The following GPR149 variants were observed in gnomAD, a reference collection of about 807,000 sequenced individuals.
GPR149 encodes the protein G protein-coupled receptor 149.
A neutral mutation model predicts 50.2 loss-of-function variants in GPR149; 50 were observed. The ratio of observed to expected loss-of-function variants is 1.00; its 90% CI spans 0.79 to 1.26. The LOEUF (loss-of-function observed/expected upper bound fraction) is 1.26. Among genes scored for constraint, GPR149 ranks in the 50% most tolerant of loss-of-function variants. GPR149 has a pLI of 0.00. For synonymous variants in GPR149, 405 were observed against 358.2 expected, an observed-to-expected ratio of 1.13 and a Z score of -1.48; for missense variants, 983 against 895.4, an observed-to-expected ratio of 1.10 and a Z score of -1.25.
At chr3:154,420,766 G>T (rs1018520957) in intron 3 of GPR149, among the ~76,000 whole-genome samples, 3 of 151,778 alleles carry the variant, frequency 2.0e-5, no homozygotes, top group Non-Finnish European at 2.9e-5. Context: ...ATTTATGCAG[G>T]TTACTTGAGG....
At chr3:154,357,683 C>T (rs1397521056) in intron 3 of GPR149, among the ~76,000 whole-genome samples, 1 of 152,198 alleles carries the variant, frequency 6.6e-6, no homozygotes, top group Non-Finnish European at 1.5e-5. Flanking sequence ...CACTTTTACA[C>T]TGTTGGTGGG....
At chr3:154,381,953 C>T (rs80182105) in intron 3 of GPR149, among the ~76,000 whole-genome samples, 4,271 of 152,230 alleles carry the variant, frequency 0.028, 185 homozygotes, top group African/African-American at 0.097. Flanking sequence ...TAAAAATGAT[C>T]CACTTTCTTG....
At chr3:154,347,490 G>A (rs1051866432) in intron 3 of GPR149, among the ~76,000 whole-genome samples, 2 of 152,132 alleles carry the variant, frequency 1.3e-5, no homozygotes, top group Admixed American at 6.5e-5. Context: ...ACCTCACACC[G>A]GGTTCCTCCC....
chr3:154,395,154 G>C (rs1053652568), intron 3 of GPR149, among the ~76,000 whole-genome samples: 3 of 151,906 alleles, frequency 2.0e-5, no homozygotes, highest in Non-Finnish European at 4.4e-5. Flanking sequence ...TAAAAAACCA[G>C]AACAGATATG....
intron 3 of GPR149, among the ~76,000 whole-genome samples, chr3:154,412,841 C>T (rs956480807): frequency 6.6e-6 from 1 of 152,014 alleles, no homozygotes; most frequent in African/African-American, 2.4e-5. Flanking sequence ...GCCCACATAG[C>T]CAAAGCAAGA....
intron 3 of GPR149, among the ~76,000 whole-genome samples, chr3:154,376,421 G>T (rs1304927823): frequency 3.3e-5 from 5 of 152,178 alleles, no homozygotes; most frequent in Admixed American, 3.3e-4. Context: ...TCCCTGTTCA[G>T]GTTGATGTCA....
chr3:154,346,561 AG>A (rs1713930067), intron 3 of GPR149, among the ~76,000 whole-genome samples: 2 of 152,144 alleles, frequency 1.3e-5, no homozygotes, highest in South Asian at 4.2e-4. Context: ...TAATCCTCAA[AG>A]GCCTTCAAGC....
At chr3:154,370,130 T>C (rs1356711266) in intron 3 of GPR149, among the ~76,000 whole-genome samples, 1 of 152,224 alleles carries the variant, frequency 6.6e-6, no homozygotes, top group African/African-American at 2.4e-5. Context: ...CTAGAAAGGC[T>C]AAGGGAGGCC....
At chr3:154,350,731 A>C (rs2108388755) in intron 3 of GPR149, among the ~76,000 whole-genome samples, 1 of 152,278 alleles carries the variant, frequency 6.6e-6, no homozygotes, top group Admixed American at 6.5e-5. Flanking sequence ...AATAGCTAAA[A>C]TTATTTTGAA....
In GPR149 at chr3:154,430,112, C is replaced by A. The variant is rs1451540214; in HGVS notation, c.-497G>T. 6.7e-6 allele frequency among the ~76,000 whole-genome samples: 1 copy of A among 149,292 alleles called. No individual in the cohort carries two copies. Among genetic ancestry groups the A allele is most frequent in the Non-Finnish European group, 1.5e-5 (1 of 67,692 alleles). Reference sequence around the variant, plus strand: ...CAGGAGATTGTCAGGTAGGTTTCAGCTTTGAAGGTGGAGAGAGAGAGAGAG... The same window carrying A: ...CAGGAGATTGTCAGGTAGGTTTCAGATTTGAAGGTGGAGAGAGAGAGAGAG... On this transcript the variant is annotated 5_prime_UTR_variant, in exon 1 of 4. Coordinates refer to ENST00000389740, the MANE Select transcript of GPR149 (RefSeq NM_001038705.3).
chr3:154,403,794 A>AT (rs1378506192), intron 3 of GPR149, among the ~76,000 whole-genome samples: 6 of 151,336 alleles, frequency 4.0e-5, no homozygotes, highest in Non-Finnish European at 8.9e-5. Context: ...TCTATGAAAA[A>AT]AAAAAGAGCT....
At chr3:154,402,395 G>A (rs1039201374) in intron 3 of GPR149, among the ~76,000 whole-genome samples, 3 of 144,576 alleles carry the variant, frequency 2.1e-5, no homozygotes, top group Non-Finnish European at 4.6e-5. Context: ...CAGCCTAGAT[G>A]GCAGAGTGAG....
intron 3 of GPR149, among the ~76,000 whole-genome samples, chr3:154,366,704 A>T (rs1418291841): frequency 6.6e-6 from 1 of 152,160 alleles, no homozygotes; most frequent in Non-Finnish European, 1.5e-5. Context: ...TCTACCTATG[A>T]CCTATAAGCC....
intron 2 of GPR149, among the ~76,000 whole-genome samples, chr3:154,425,480 A>G (rs1270778353): frequency 6.6e-6 from 1 of 152,096 alleles, no homozygotes; most frequent in African/African-American, 2.4e-5. Flanking sequence ...ATCAATAGGA[A>G]AATTGATGGT....
At chr3:154,358,473 C>T (rs576827681) in intron 3 of GPR149, among the ~76,000 whole-genome samples, 24 of 151,846 alleles carry the variant, frequency 1.6e-4, no homozygotes, top group Admixed American at 1.5e-3. Flanking sequence ...AATCACCAAA[C>T]CTTTAAAAAC....
chr3:154,428,755 G>A lies in GPR149; in HGVS notation c.861C>T (p.Ala287=). ...PGAPAAAGAE[A]CRRENRGTLY... is the part of the protein sequence containing the mutation. The stretch of plus-strand genomic sequence containing the variant: ...GAGTCCCCCGGTTCTCACGCCTGCA[G>A]GCTTCAGCCCCAGCGGCAGCGGGCG... The change falls in exon 1 of 4, where the codon GCC becomes GCT. Residue 287 remains alanine, a synonymous_variant. Transcript: ENST00000389740. 1 of 1,614,062 alleles carries A rather than the reference G, an allele frequency of 6.2e-7. No homozygotes were observed. Among genetic ancestry groups the A allele is most frequent in the Non-Finnish European group, 8.5e-7 (1 of 1,180,030 alleles).
At chr3:154,372,407 C>A (rs992034449) in intron 3 of GPR149, among the ~76,000 whole-genome samples, 2 of 152,180 alleles carry the variant, frequency 1.3e-5, no homozygotes, top group African/African-American at 4.8e-5. Flanking sequence ...ATGTTAAAAA[C>A]CAGTTTTTCT....
Position 154,338,266 on chromosome 3 carries a change from G to A in GPR149, c.1629C>T (p.Ser543=), listed in dbSNP as rs778817501. Residue 543 remains serine (S), a synonymous_variant, in exon 4 of 4, where the codon TCC becomes TCT. Coordinates refer to ENST00000389740, the MANE Select transcript of GPR149 (RefSeq NM_001038705.3). ...ACAAGGGAATGGCAAGGGCATAACC[G>A]GAACGCTGGGGACAAAAACAAAATT... ...SKSERTPRQR[S]GYALAIPLCA... The A allele has an allele frequency of 2.7e-5, 41 of 1,537,182 alleles. No individual in the cohort carries two copies. The highest frequency in any genetic ancestry group is 4.5e-5 in the East Asian group (2 of 44,114).
intron 3 of GPR149, among the ~76,000 whole-genome samples, chr3:154,413,941 A>ATT (rs1711913358): frequency 2.4e-5 from 2 of 84,072 alleles, no homozygotes; most frequent in African/African-American, 3.8e-5. Flanking sequence ...AAGAAATTGT[A>ATT]GTATATATAT....
Sources: allele counts gnomAD v4.1 joint callset (sites outside exome capture counted in the v4.1 genomes callset), GRCh38; gene constraint gnomAD v4.1.1; transcripts MANE v1.5; gene names NCBI Gene and HGNC (gene_info 2026-07-23, HGNC 2026-07-21).